The following NUBPL variants were observed in gnomAD, a reference collection of about 807,000 sequenced individuals.
NUBPL encodes NUBP iron-sulfur cluster assembly factor, mitochondrial, also known as iron-sulfur cluster transfer protein NUBPL.
NUBPL carries 31 observed loss-of-function variants against 45.7 expected under a neutral mutation model. The observed-to-expected ratio is 0.68, with a 90% CI of 0.51 to 0.92. The LOEUF (loss-of-function observed/expected upper bound fraction) is 0.92, where lower values mean the gene tolerates loss of function less well. NUBPL is among the 40% of genes least tolerant of loss of function. The pLI, the probability that NUBPL is intolerant of heterozygous loss-of-function variation, is 0.00. For missense variants in NUBPL, 401 were observed against 398.7 expected (o/e 1.01, Z -0.05); for synonymous variants, 144 against 140.9 (o/e 1.02, Z -0.15).
chr14:31,568,725 T>C (rs143769219), intron 3 of NUBPL, among the ~76,000 whole-genome samples: 222 of 152,332 alleles, frequency 1.5e-3, no homozygotes, highest in African/African-American at 5.0e-3. Context: ...GTTGATATAC[T>C]AGAGTGATGT....
chr14:31,620,416 T>A (rs2035027761), intron 4 of NUBPL, among the ~76,000 whole-genome samples: 1 of 152,202 alleles, frequency 6.6e-6, no homozygotes, highest in Admixed American at 6.5e-5. Flanking sequence ...CTTTGTGGAT[T>A]TATCTACCTT....
intron 6 of NUBPL, among the ~76,000 whole-genome samples, chr14:31,775,129 C>T (rs2039076317): frequency 6.6e-6 from 1 of 152,052 alleles, no homozygotes. Flanking sequence ...TATTTGGATC[C>T]AAAAGTGGCT....
chr14:31,741,230 A>G (rs2038276900), intron 6 of NUBPL, among the ~76,000 whole-genome samples: 1 of 152,146 alleles, frequency 6.6e-6, no homozygotes, highest in Non-Finnish European at 1.5e-5. Context: ...GGTTTTTAGT[A>G]AGGTATGGGC....
intron 10 of NUBPL, among the ~76,000 whole-genome samples, chr14:31,856,861 T>C (rs1396869717): frequency 6.6e-6 from 1 of 152,176 alleles, no homozygotes; most frequent in Non-Finnish European, 1.5e-5. Context: ...GCTGCCTTCA[T>C]GGTTTGGCGT....
At chr14:31,846,385 C>A in intron 8 of NUBPL, 86 bp from the exon 9 acceptor site, 1 of 1,082,090 alleles carries the variant, frequency 9.2e-7, no homozygotes, top group Non-Finnish European at 1.4e-6. Flanking sequence ...CACTAGAACT[C>A]AGTAGGCACT....
intron 4 of NUBPL, among the ~76,000 whole-genome samples, chr14:31,653,150 A>G (rs2036053613): frequency 6.6e-6 from 1 of 152,252 alleles, no homozygotes. Context: ...CAAAGATCAC[A>G]AGGCAAAGGG....
At chr14:31,773,651 A>G (rs1273819571) in intron 6 of NUBPL, among the ~76,000 whole-genome samples, 1 of 152,212 alleles carries the variant, frequency 6.6e-6, no homozygotes, top group African/African-American at 2.4e-5. Context: ...GCATGCTTTC[A>G]TGCTCTGGGA....
chr14:31,623,536 T>C (rs1428046884), intron 4 of NUBPL, among the ~76,000 whole-genome samples: 1 of 152,140 alleles, frequency 6.6e-6, no homozygotes, highest in Non-Finnish European at 1.5e-5. Flanking sequence ...GGAAGGTGAT[T>C]GGATCATGCG....
intron 3 of NUBPL, among the ~76,000 whole-genome samples, chr14:31,586,475 G>A (rs1048792287): frequency 1.3e-5 from 2 of 152,182 alleles, no homozygotes; most frequent in Admixed American, 6.5e-5. Context: ...TTTGGAATGA[G>A]AACTACAGAA....
intron 7 of NUBPL, among the ~76,000 whole-genome samples, chr14:31,805,536 C>G (rs1404550972): frequency 6.6e-6 from 1 of 152,100 alleles, no homozygotes; most frequent in Non-Finnish European, 1.5e-5. Flanking sequence ...CAATGGTAGA[C>G]TGAATAAAGA....
At chr14:31,707,275 G>A (rs1207490369) in intron 6 of NUBPL, among the ~76,000 whole-genome samples, 1 of 152,242 alleles carries the variant, frequency 6.6e-6, no homozygotes, top group Non-Finnish European at 1.5e-5. Flanking sequence ...CTGACAACAA[G>A]GTGGTATTGG....
At chr14:31,841,667 G>A (rs2040370800) in intron 8 of NUBPL, among the ~76,000 whole-genome samples, 1 of 151,980 alleles carries the variant, frequency 6.6e-6, no homozygotes, top group African/African-American at 2.4e-5. Flanking sequence ...TTTGTGTCTA[G>A]TGTAACTTTG....
chr14:31,677,391 C>T (rs1231500674), intron 6 of NUBPL, among the ~76,000 whole-genome samples: 3 of 151,954 alleles, frequency 2.0e-5, no homozygotes, highest in African/African-American at 4.8e-5. Context: ...TCCATGAGTT[C>T]GGTTGTTTTA....
At chr14:31,725,435 A>AT (rs1044670334) in intron 6 of NUBPL, among the ~76,000 whole-genome samples, 4 of 151,994 alleles carry the variant, frequency 2.6e-5, no homozygotes, top group Admixed American at 6.6e-5. Flanking sequence ...TGGATATCAG[A>AT]TTTTTTTTGG....
intron 6 of NUBPL, among the ~76,000 whole-genome samples, chr14:31,721,823 G>A (rs937016009): frequency 6.6e-6 from 1 of 151,820 alleles, no homozygotes; most frequent in African/African-American, 2.4e-5. Flanking sequence ...GTATTCATGT[G>A]TTCTCATCTC....
chr14:31,765,376 T>C (rs935966788), intron 6 of NUBPL, among the ~76,000 whole-genome samples: 6 of 152,240 alleles, frequency 3.9e-5, no homozygotes, highest in Admixed American at 2.6e-4. Flanking sequence ...TGTACAAATA[T>C]GTTCTTAGCA....
chr14:31,629,055 C>A (rs1283584314), intron 4 of NUBPL, among the ~76,000 whole-genome samples: 1 of 152,090 alleles, frequency 6.6e-6, no homozygotes, highest in Non-Finnish European at 1.5e-5. Context: ...TTCCCACCCC[C>A]CAAAATAATA....
intron 6 of NUBPL, among the ~76,000 whole-genome samples, chr14:31,736,999 G>T (rs923167461): frequency 1.1e-4 from 17 of 152,198 alleles, no homozygotes; most frequent in Admixed American, 9.2e-4. Flanking sequence ...GTTTTTTGTT[G>T]ATTTAAGATT....
intron 3 of NUBPL, 132 bp from the exon 4 acceptor site, chr14:31,599,157 G>A: frequency 2.8e-6 from 2 of 720,092 alleles, no homozygotes; most frequent in Non-Finnish European, 4.9e-6. Context: ...GTTATGATTT[G>A]TAATATTTTG....
Sources: allele counts gnomAD v4.1 joint callset (sites outside exome capture counted in the v4.1 genomes callset), GRCh38; gene constraint gnomAD v4.1.1; transcripts MANE v1.5; gene names NCBI Gene and HGNC (gene_info 2026-07-23, HGNC 2026-07-21).